Variants in KALRN observed in about 807,000 individuals in gnomAD.
KALRN encodes kalirin.
KALRN carries 70 observed loss-of-function variants against 353.7 expected under a neutral mutation model. That is an observed-to-expected ratio of 0.20 (90% confidence interval 0.16 to 0.24). KALRN has a LOEUF of 0.24. Ranked by LOEUF, KALRN falls within the 10% of genes least tolerant of loss-of-function variation. The pLI is 1.00. For missense variants in KALRN, 2,791 were observed against 3,756.7 expected (o/e 0.74, Z 6.72); for synonymous variants, 1,391 against 1,434.8 (o/e 0.97, Z 0.69).
intron 54 of KALRN, among the ~76,000 whole-genome samples, chr3:124,696,825 A>G (rs1212884836): frequency 6.6e-6 from 1 of 152,216 alleles, no homozygotes; most frequent in Non-Finnish European, 1.5e-5. Flanking sequence ...CTGAAACTGC[A>G]TCTGTACCTG....
intron 49 of KALRN, 41 bp downstream of exon 49, chr3:124,674,655 A>G (rs1230614197): frequency 6.7e-7 from 1 of 1,490,362 alleles, no homozygotes; most frequent in Admixed American, 2.5e-5. Flanking sequence ...GAGTATGAGG[A>G]TTAAAAATAT....
intron 10 of KALRN, among the ~76,000 whole-genome samples, chr3:124,349,683 T>C (rs2082645826): frequency 6.6e-6 from 1 of 152,076 alleles, no homozygotes; most frequent in African/African-American, 2.4e-5. Context: ...AAAATGGTTA[T>C]AATTGTAAGT....
At chr3:124,136,864 T>C (rs1247176697) in intron 1 of KALRN, among the ~76,000 whole-genome samples, 1 of 152,182 alleles carries the variant, frequency 6.6e-6, no homozygotes, top group African/African-American at 2.4e-5. Flanking sequence ...TTAAAGTTAC[T>C]TCTTGTTTTC....
intron 6 of KALRN, among the ~76,000 whole-genome samples, chr3:124,311,064 C>CTTTTTTTTTTT (rs71145446): frequency 0.018 from 1,227 of 67,510 alleles, 255 homozygotes; most frequent in Non-Finnish European, 0.027. Context: ...GATACTACTT[C>CTTTTTTTTTTT]TTTTTTTTTT....
rs990443969 is a variant in KALRN, at chr3:124,501,444, C to T, written c.4935+5031C>T. On this transcript the variant is annotated intron_variant, in intron 33 of 59. Coordinates refer to ENST00000682506, the MANE Select transcript of KALRN (RefSeq NM_001388419.1). The stretch of plus-strand genomic sequence containing the variant: ...TCACATCAATGTAGTGGGTCATGAC[C>T]AAGATTTTGTTTTACCAATTGGGAA... 6.6e-5 allele frequency among the ~76,000 whole-genome samples: 10 copies of T among 152,066 alleles called. No homozygotes were observed. The South Asian group carries it at 1.9e-3, about 28-fold the overall frequency.
intron 45 of KALRN, among the ~76,000 whole-genome samples, chr3:124,665,006 A>G (rs1287694901): frequency 6.6e-6 from 1 of 152,236 alleles, no homozygotes; most frequent in Non-Finnish European, 1.5e-5. Context: ...ACTTTAGACC[A>G]CAGTAGAGAT....
intron 7 of KALRN, among the ~76,000 whole-genome samples, chr3:124,327,554 G>A (rs1049229939): frequency 6.6e-6 from 1 of 152,106 alleles, no homozygotes; most frequent in Non-Finnish European, 1.5e-5. Context: ...AGTAGGATTT[G>A]TAAATGAACT....
At chr3:124,520,584 T>C (rs1241775558) in intron 33 of KALRN, among the ~76,000 whole-genome samples, 3 of 152,018 alleles carry the variant, frequency 2.0e-5, no homozygotes, top group African/African-American at 7.2e-5. Context: ...CTCCCATTCA[T>C]AGAAAAATTG....
chr3:124,105,660 G>A (rs1296825109), intron 1 of KALRN, among the ~76,000 whole-genome samples: 1 of 152,180 alleles, frequency 6.6e-6, no homozygotes, highest in Non-Finnish European at 1.5e-5. Flanking sequence ...AGGCATTGGT[G>A]ACTACTTACA....
intron 1 of KALRN, among the ~76,000 whole-genome samples, chr3:124,213,173 T>C (rs550839766): frequency 4.0e-4 from 61 of 152,234 alleles, no homozygotes; most frequent in Admixed American, 2.0e-3. Context: ...TTTAAAAAAA[T>C]GTCATTTTAA....
chr3:124,395,136 T>C lies in KALRN; in HGVS notation c.1964T>C (p.Leu655Ser). The C allele has an allele frequency of 6.2e-7, 1 of 1,612,086 alleles. No homozygotes were observed. Among genetic ancestry groups the C allele is most frequent in the Non-Finnish European group, 8.5e-7 (1 of 1,178,518 alleles). Residue 655 changes from leucine (L) to serine (S), a missense_variant and splice_region_variant, in exon 12 of 60, where the codon TTG (leucine) becomes TCG (serine). Physicochemically the swap from Leu to Ser is moderately radical, Grantham distance 145 (BLOSUM62 -2). Around this residue, in one of 11 missense-constraint regions of KALRN, gnomAD observed 452 missense variants for 575.8 expected, o/e 0.78. Transcript: ENST00000682506. Reference protein sequence around the residue: ...SVSFHTHTKELWTWMEDLQKE... With the variant: ...SVSFHTHTKESWTWMEDLQKE... ...GGAATCTCTGCTCTCTCTCTACAGT[T>C]GTGGACATGGATGGAAGACCTTCAG...
intron 6 of KALRN, 23 bp downstream of exon 6, chr3:124,298,936 G>T (rs752482729): frequency 6.2e-7 from 1 of 1,614,044 alleles, no homozygotes; most frequent in Non-Finnish European, 8.5e-7. Context: ...GCTGTTCTCA[G>T]CACTGCCTCT....
At chr3:124,666,326 C>T (rs2085615002) in intron 45 of KALRN, 123 bp from the exon 46 acceptor site, 4 of 865,398 alleles carry the variant, frequency 4.6e-6, no homozygotes, top group Non-Finnish European at 7.2e-6. Context: ...TTCCTAGAGC[C>T]CTGAGGCTTT....
intron 33 of KALRN, among the ~76,000 whole-genome samples, chr3:124,515,112 A>G (rs932918319): frequency 1.3e-5 from 2 of 152,226 alleles, no homozygotes; most frequent in African/African-American, 4.8e-5. Context: ...GGAACGAGAA[A>G]AGGTATAATA....
intron 11 of KALRN, among the ~76,000 whole-genome samples, chr3:124,388,825 T>C (rs1156723766): frequency 6.6e-6 from 1 of 152,176 alleles, no homozygotes; most frequent in Non-Finnish European, 1.5e-5. Flanking sequence ...GTTTGGTTTT[T>C]CCATACTCTG....
Position 124,334,396 on chromosome 3 carries a change from G to T in KALRN, c.1548G>T (p.Val516=). ...VHQVLDVVHE[V]LHHQRRLESI... ...AGGTGCTGGACGTGGTGCATGAGGT[G>T]TTACATCACCAGCGACGGCTGGAGA... is the stretch of plus-strand genomic sequence containing the variant. The change falls in exon 9 of 60, where the codon GTG becomes GTT. Residue 516 remains valine, a synonymous_variant. Transcript: ENST00000682506. The surrounding 1 kb of genome is among the most constrained non-coding windows in gnomAD (Gnocchi z 4.2). The T allele has an allele frequency of 1.2e-6, 2 of 1,614,218 alleles. No individual in the cohort carries two copies. The highest frequency in any genetic ancestry group is 1.7e-6 in the Non-Finnish European group (2 of 1,180,004).
chr3:124,461,376 G>T (rs1224270599), intron 23 of KALRN, among the ~76,000 whole-genome samples: 1 of 151,926 alleles, frequency 6.6e-6, no homozygotes, highest in Admixed American at 6.6e-5. Flanking sequence ...GCTAACCCCT[G>T]ATCTCGGTGT....
At chr3:124,471,649 A>T (rs1039377191) in intron 25 of KALRN, among the ~76,000 whole-genome samples, 2 of 152,006 alleles carry the variant, frequency 1.3e-5, no homozygotes, top group Non-Finnish European at 2.9e-5. Flanking sequence ...AGGGGAAGAA[A>T]GTCAGACCTG....
At chr3:124,632,742 C>T in intron 35 of KALRN, 39 bp downstream of exon 35, 1 of 1,580,870 alleles carries the variant, frequency 6.3e-7, no homozygotes, top group African/African-American at 1.3e-5. Context: ...ATCAGGAGGG[C>T]CTTCTGACAT....
Sources: allele counts gnomAD v4.1 joint callset (sites outside exome capture counted in the v4.1 genomes callset), GRCh38; gene constraint gnomAD v4.1.1; regional missense constraint gnomAD v4.1.1; non-coding constraint Gnocchi (gnomAD v3.1); transcripts MANE v1.5; gene names NCBI Gene and HGNC (gene_info 2026-07-23, HGNC 2026-07-21).